The following POM121 variants were observed in gnomAD, a reference collection of about 807,000 sequenced individuals.
POM121 encodes nuclear envelope pore membrane protein POM 121.
POM121 carries 32 observed loss-of-function variants against 81.3 expected under a neutral mutation model. The ratio of observed to expected loss-of-function variants is 0.39; its 90% CI spans 0.30 to 0.53. The LOEUF is 0.53. POM121 is among the 20% of genes least tolerant of loss of function. The pLI is 0.66. For synonymous variants in POM121, 514 were observed against 694.2 expected, an observed-to-expected ratio of 0.74 and a Z score of 4.08; for missense variants, 1,138 against 1,614.6, an observed-to-expected ratio of 0.70 and a Z score of 5.06.
At chr7:72,890,132 A>C (rs569183632) in intron 1 of POM121, among the ~76,000 whole-genome samples, 1 of 151,948 alleles carries the variant, frequency 6.6e-6, no homozygotes. Flanking sequence ...GCCACTGGCT[A>C]TGAGAATAAA....
intron 3 of POM121, among the ~76,000 whole-genome samples, chr7:72,901,465 C>T (rs1236679114): frequency 1.3e-5 from 2 of 151,804 alleles, no homozygotes; most frequent in Admixed American, 6.6e-5. Flanking sequence ...AGCGATTCTC[C>T]TGCCTCAGCC....
At chr7:72,948,416 C>A (rs782768389), downstream of POM121, 4 of 1,613,196 alleles carry the variant, frequency 2.5e-6, no homozygotes, top group South Asian at 4.4e-5. Context: ...CGGTGAGGGC[C>A]CAGGGTCTTC....
At chr7:72,914,491 CTTT>C (rs77243556) in intron 4 of POM121, among the ~76,000 whole-genome samples, 2 of 132,584 alleles carry the variant, frequency 1.5e-5, no homozygotes, top group Admixed American at 7.5e-5. Context: ...GAGACTGTGT[CTTT>C]TTTTTTTTTT....
intron 3 of POM121, among the ~76,000 whole-genome samples, chr7:72,908,854 C>A (rs1215444273): frequency 1.3e-5 from 2 of 152,150 alleles, no homozygotes; most frequent in Non-Finnish European, 2.9e-5. Context: ...TTACTGTTAT[C>A]CTGTTCTTTT....
chr7:72,889,423 C>T (rs1367933396), intron 1 of POM121, among the ~76,000 whole-genome samples: 7 of 152,132 alleles, frequency 4.6e-5, no homozygotes, highest in South Asian at 2.1e-4. Flanking sequence ...CAAGTTTGGG[C>T]GGGGCATGCT....
At chr7:72,928,608 G>A in intron 4 of POM121, 143 bp downstream of exon 4, 1 of 960,038 alleles carries the variant, frequency 1.0e-6, no homozygotes, top group Middle Eastern at 2.8e-4. Flanking sequence ...AACGTTTTGA[G>A]TAACTTGCCA....
chr7:72,924,945 G>C (rs1212755418), upstream of POM121: 1 of 1,149,208 alleles, frequency 8.7e-7, no homozygotes, highest in Non-Finnish European at 1.1e-6. Flanking sequence ...AACCTCAAGA[G>C]TCAGAAACAG....
upstream of POM121, among the ~76,000 whole-genome samples, chr7:72,923,077 T>C (rs1794964401): frequency 6.6e-6 from 1 of 150,938 alleles, no homozygotes; most frequent in Non-Finnish European, 1.5e-5. Flanking sequence ...CTACTGATAC[T>C]GAGATTTTTT....
At chr7:72,893,646 A>G (rs1444932952) in intron 3 of POM121, among the ~76,000 whole-genome samples, 1 of 152,186 alleles carries the variant, frequency 6.6e-6, no homozygotes, top group East Asian at 1.9e-4. Flanking sequence ...CGGTAATGTT[A>G]ACTGTATTTG....
Position 72,929,933 on chromosome 7 carries a change from T to G in POM121, c.1104-7T>G. The G allele has an allele frequency of 6.3e-7, 1 of 1,578,958 alleles. No homozygotes were observed. The highest frequency in any genetic ancestry group is 8.6e-7 in the Non-Finnish European group (1 of 1,159,846). On this transcript the variant is annotated splice_region_variant and splice_polypyrimidine_tract_variant and intron_variant, in intron 4 of 12. Transcript: ENST00000434423. ...ATAAAGCATCTAACTGTCTTCTCTT[T>G]TATTAGGCCTGGGTCTCTGAAGAGA...
intron 1 of POM121, among the ~76,000 whole-genome samples, chr7:72,885,528 TA>T (rs1354630902): frequency 2.8e-4 from 43 of 151,934 alleles, no homozygotes; most frequent in African/African-American, 8.9e-4. Flanking sequence ...AACCACTTTG[TA>T]AAATGGCCTT....
chr7:72,910,394 G>T (rs1270727506), intron 3 of POM121, among the ~76,000 whole-genome samples: 2 of 152,164 alleles, frequency 1.3e-5, no homozygotes, highest in Non-Finnish European at 2.9e-5. Context: ...GTTATATTAG[G>T]ATTAGAGAGG....
chr7:72,883,356 A>G (rs1175408689), intron 1 of POM121, among the ~76,000 whole-genome samples: 2 of 152,142 alleles, frequency 1.3e-5, no homozygotes, highest in African/African-American at 4.8e-5. Flanking sequence ...TTCTCACTGT[A>G]TTGCTCAGGC....
chr7:72,934,082 C>CTT (rs1243051682), intron 5 of POM121, among the ~76,000 whole-genome samples: 5 of 147,412 alleles, frequency 3.4e-5, no homozygotes, highest in African/African-American at 1.2e-4. Context: ...ACTGTACAGT[C>CTT]TTTTTTTTTT....
At chr7:72,935,163 TGTC>T (rs1341494032) in intron 5 of POM121, among the ~76,000 whole-genome samples, 1 of 151,882 alleles carries the variant, frequency 6.6e-6, no homozygotes, top group African/African-American at 2.4e-5. Context: ...GAACATGGAA[TGTC>T]GTTATTTATT....
At chr7:72,903,984 G>A (rs1182761548) in intron 3 of POM121, among the ~76,000 whole-genome samples, 36 of 152,134 alleles carry the variant, frequency 2.4e-4, no homozygotes, top group African/African-American at 8.4e-4. Flanking sequence ...GTATTTTTTA[G>A]TAGAGACGGG....
At chr7:72,902,886 TCTC>T (rs1792840961) in intron 3 of POM121, among the ~76,000 whole-genome samples, 1 of 152,186 alleles carries the variant, frequency 6.6e-6, no homozygotes, top group Non-Finnish European at 1.5e-5. Flanking sequence ...GAGACATTGT[TCTC>T]CTTGTATCCT....
In POM121 at chr7:72,925,518, G is replaced by T; in HGVS notation, c.397G>T (p.Glu133Ter). The stretch of plus-strand genomic sequence containing the variant: ...CCTGCTCGAAGGACCTGACCCTGCG[G>T]AACTGCTACTCATGGGCAGTTACCT... ...RTLLEGPDPA[E>*]LLLMGSYLGK... The change falls in exon 1 of 13, where the codon GAA becomes TAA. Residue 133 changes from glutamate to a stop codon, truncating the protein, a stop_gained. Transcript: ENST00000434423. LOFTEE classifies it high-confidence loss of function. 6.5e-7 allele frequency: 1 copy of T among 1,532,568 alleles called. No homozygotes were observed. Among genetic ancestry groups the T allele is most frequent in the East Asian group, 2.4e-5 (1 of 40,832 alleles). 94.9% of individuals were successfully genotyped at this position (1,532,568 alleles called of 1,614,324 possible).
downstream of POM121, chr7:72,948,650 A>C: frequency 6.2e-7 from 1 of 1,604,180 alleles, no homozygotes; most frequent in Non-Finnish European, 8.5e-7. Flanking sequence ...CCTCCCAAGC[A>C]TGCCCCCACT....
Sources: gnomAD v4.1 joint callset for allele counts (sites outside exome capture counted in the v4.1 genomes callset) on GRCh38, gnomAD v4.1.1 for gene constraint, MANE v1.5 for transcripts, NCBI Gene and HGNC (gene_info 2026-07-23, HGNC 2026-07-21) for gene names.